The following GPR161 variants were observed in gnomAD, a reference collection of about 807,000 sequenced individuals.
GPR161 encodes the protein G protein-coupled receptor 161.
GPR161 carries 25 observed loss-of-function variants against 39.2 expected under a neutral mutation model. That is an observed-to-expected ratio of 0.64 (90% CI 0.47 to 0.89). GPR161 has a LOEUF of 0.89. Among genes scored for constraint, GPR161 ranks in the 40% least tolerant of loss-of-function variants. The pLI is 0.00. For synonymous variants in GPR161, 286 were observed against 276.6 expected (o/e 1.03, Z -0.34); for missense variants, 547 against 677.8 (o/e 0.81, Z 2.14).
intron 1 of GPR161, 34 bp downstream of exon 1, chr1:168,136,705 G>T: frequency 9.5e-7 from 1 of 1,057,866 alleles, no homozygotes; most frequent in Non-Finnish European, 1.1e-6. Context: ...CTCTCCGCCC[G>T]GGCCCGCGCC....
intron 1 of GPR161, among the ~76,000 whole-genome samples, chr1:168,127,712 A>T (rs1222448962): frequency 1.3e-5 from 2 of 152,182 alleles, no homozygotes; most frequent in Non-Finnish European, 2.9e-5. Context: ...AGACTCATGC[A>T]CTATGAGAAC....
intron 2 of GPR161, among the ~76,000 whole-genome samples, chr1:168,099,871 ACATTGAAATGCACG>A (rs1695934669): frequency 7.0e-6 from 1 of 142,990 alleles, no homozygotes; most frequent in African/African-American, 2.6e-5. Context: ...AAATGTATGT[ACATTGAAATGCACG>A]CATCTACACC....
chr1:168,082,371 C>A lies in GPR161; in HGVS notation c.*3160G>T, dbSNP rs968020. 0.075 allele frequency: 11,432 copies of A among 152,262 alleles called. 533 individuals carry two copies. Among genetic ancestry groups the A allele is most frequent in the Middle Eastern group, 0.1 (30 of 296 alleles). 9.4% of individuals were successfully genotyped at this position (152,262 alleles called of 1,614,324 possible). ...GGCAAAGGAATTCAAAACAAGAGTG[C>A]CCAGCCAGAGGCAAACAAGCTCTCA... On this transcript the variant is annotated 3_prime_UTR_variant, in exon 6 of 6. Coordinates refer to ENST00000682931, the MANE Select transcript of GPR161 (RefSeq NM_001375883.1).
intron 1 of GPR161, among the ~76,000 whole-genome samples, chr1:168,115,490 G>C (rs558688747): frequency 2.6e-5 from 4 of 152,108 alleles, no homozygotes; most frequent in African/African-American, 9.6e-5. Flanking sequence ...TCCTCATATG[G>C]AAGCATTAAG....
intron 3 of GPR161, among the ~76,000 whole-genome samples, chr1:168,092,903 C>T (rs951007459): frequency 1.3e-5 from 2 of 152,122 alleles, no homozygotes; most frequent in African/African-American, 4.8e-5. Flanking sequence ...TCAAGGGTCT[C>T]GTAAGGGCGG....
rs1553261459 is a variant in GPR161 at position 168,096,834 on chromosome 1, C to CCCTGAAAGG, written c.764_772dup (p.Ala255_Gln257dup). Reference sequence around the variant, plus strand: ...GCACTGGTTGGCCGAGTAGACCACACCCTGAAAGGCATTCCTCCTGCTGCC... The same window carrying CCCTGAAAGG: ...GCACTGGTTGGCCGAGTAGACCACACCCTGAAAGGCCTGAAAGGCATTCCTCCTGCTGCC... On this transcript the variant is annotated inframe_insertion, in exon 3 of 6. Coordinates refer to ENST00000682931, the MANE Select transcript of GPR161 (RefSeq NM_001375883.1). 6.2e-7 allele frequency: 1 copy of CCCTGAAAGG among 1,614,138 alleles called. No individual in the cohort carries two copies.
chr1:168,096,885 T>G lies in GPR161; in HGVS notation c.722A>C (p.Asn241Thr). The G allele has an allele frequency of 6.2e-7, 1 of 1,613,668 alleles. No homozygotes were observed. The highest frequency in any genetic ancestry group is 1.1e-5 in the South Asian group (1 of 91,060). ...TGAAGAGGAGGTGGAGGTGCTGGAG[T>G]TCTTCCTCCCGGTCCTCTGAGCATC... ...EEDAQRTGRKNSSTSTSSSGS... is the reference protein window; with the variant it reads ...EEDAQRTGRKTSSTSTSSSGS... The change falls in exon 3 of 6, where the codon AAC (asparagine) becomes ACC (threonine). Residue 241 changes from asparagine (N) to threonine (T), a missense_variant. By Grantham distance (65) the Asn-to-Thr change is moderately conservative. Coordinates refer to ENST00000682931, the MANE Select transcript of GPR161 (RefSeq NM_001375883.1).
Position 168,113,678 on chromosome 1 carries a change from T to C in GPR161, c.-44-8784A>G, listed in dbSNP as rs566340811. Among the ~76,000 whole-genome samples the C allele has an allele frequency of 3.3e-5, 5 of 152,372 alleles. No individual in the cohort carries two copies. In the South Asian group the frequency reaches 8.3e-4, roughly 25 times the overall value. ...ATAAAAAAGAACGAGATCATACTCT[T>C]TGTAGGGACAAGGATGGAGTTGGAG... On this transcript the variant is annotated intron_variant, in intron 1 of 5. Coordinates refer to ENST00000682931, the MANE Select transcript of GPR161 (RefSeq NM_001375883.1).
intron 1 of GPR161, 70 bp downstream of exon 1, chr1:168,136,668 GT>G: frequency 8.5e-7 from 1 of 1,171,920 alleles, no homozygotes; most frequent in South Asian, 4.2e-5. Flanking sequence ...CGCACAATGA[GT>G]TTAGCCTGGC....
chr1:168,134,690 T>C (rs1699236347), intron 1 of GPR161, among the ~76,000 whole-genome samples: 1 of 152,200 alleles, frequency 6.6e-6, no homozygotes, highest in Non-Finnish European at 1.5e-5. Flanking sequence ...TTTAAAAATA[T>C]ATGAAGCTTG....
chr1:168,094,844 G>C lies in GPR161; in HGVS notation c.1099+1664C>G, dbSNP rs151033746. Among the ~76,000 whole-genome samples the C allele has an allele frequency of 7.5e-3, 1,143 of 152,284 alleles. 3 individuals carry two copies. The highest frequency in any genetic ancestry group is 0.024 in the Middle Eastern group (7 of 294). On this transcript the variant is annotated intron_variant, in intron 3 of 5. Coordinates refer to ENST00000682931, the MANE Select transcript of GPR161 (RefSeq NM_001375883.1). ...AAAACTACACAGTAAAAATGCTAGA[G>C]GCAAGATCCACAAATGTGTCCTGAG...
chr1:168,123,716 A>G (rs1417545166), intron 1 of GPR161, among the ~76,000 whole-genome samples: 1 of 152,200 alleles, frequency 6.6e-6, no homozygotes. Context: ...ACTGGAACTC[A>G]AAGTCAATGC....
intron 1 of GPR161, among the ~76,000 whole-genome samples, chr1:168,110,160 A>G (rs1696989990): frequency 1.3e-5 from 2 of 152,078 alleles, no homozygotes; most frequent in South Asian, 4.2e-4. Context: ...ACAGTCAACA[A>G]CAACAGCAAC....
At chr1:168,089,384 A>T (rs1694844542) in intron 4 of GPR161, 1 of 152,192 alleles carries the variant, frequency 6.6e-6, no homozygotes, top group African/African-American at 2.4e-5. Context: ...GGGTTGCCAG[A>T]TAAGGAATTT....
chr1:168,133,895 G>A (rs1699174612), intron 1 of GPR161: 2 of 967,348 alleles, frequency 2.1e-6, no homozygotes, highest in Non-Finnish European at 2.5e-6. Context: ...CAGGCTTGGT[G>A]ACCATATTGA....
chr1:168,124,343 T>A (rs1572374541), intron 1 of GPR161, among the ~76,000 whole-genome samples: 1 of 152,192 alleles, frequency 6.6e-6, no homozygotes, highest in African/African-American at 2.4e-5. Flanking sequence ...TCTGAATTGG[T>A]CGAGTTTTAT....
intron 1 of GPR161, among the ~76,000 whole-genome samples, chr1:168,108,005 T>C (rs1696760774): frequency 6.6e-6 from 1 of 152,186 alleles, no homozygotes; most frequent in Non-Finnish European, 1.5e-5. Flanking sequence ...CTGGGTAACT[T>C]ATAAAGAAAA....
intron 1 of GPR161, among the ~76,000 whole-genome samples, chr1:168,114,203 T>C (rs560722441): frequency 2.0e-5 from 3 of 152,304 alleles, no homozygotes; most frequent in Admixed American, 6.5e-5. Flanking sequence ...CTCTTTCATT[T>C]TGATTGTCTT....
rs575870352 is a variant in GPR161 at position 168,084,879 on chromosome 1, A to T, written c.*652T>A. On this transcript the variant is annotated 3_prime_UTR_variant, in exon 6 of 6. Coordinates refer to ENST00000682931, the MANE Select transcript of GPR161 (RefSeq NM_001375883.1). ...AGAACTTGTCAGTAGGGAAGTAGGCAGGGTGGGCCAGTCTGCAAGAGGCCT... is the reference window on the plus strand; with the variant it reads ...AGAACTTGTCAGTAGGGAAGTAGGCTGGGTGGGCCAGTCTGCAAGAGGCCT... 6.6e-6 allele frequency: 3 copies of T among 456,240 alleles called. No individual in the cohort carries two copies. The highest frequency in any genetic ancestry group is 4.6e-5 in the South Asian group (3 of 64,562). 28.3% of individuals were successfully genotyped at this position (456,240 alleles called of 1,614,324 possible).
Sources: gnomAD v4.1 joint callset for allele counts (sites outside exome capture counted in the v4.1 genomes callset) on GRCh38, gnomAD v4.1.1 for gene constraint, MANE v1.5 for transcripts, NCBI Gene and HGNC (gene_info 2026-07-23, HGNC 2026-07-21) for gene names.